Variants in CCDC18 observed in about 807,000 individuals in gnomAD.
CCDC18 encodes coiled-coil domain containing 18.
In CCDC18, 157 loss-of-function variants were observed where a neutral mutation model predicts 196.0. The observed-to-expected ratio is 0.80, with a 90% CI of 0.70 to 0.91. The LOEUF is 0.91. CCDC18 is among the 40% of genes least tolerant of loss of function. The pLI, the probability that CCDC18 is intolerant of heterozygous loss-of-function variation, is 0.00. For missense variants in CCDC18, 1,465 were observed against 1,611.6 expected (o/e 0.91, Z 1.56); for synonymous variants, 482 against 529.2 (o/e 0.91, Z 1.22).
chr1:93,212,371 A>G (rs1373879904), intron 11 of CCDC18, 110 bp downstream of exon 11: 1 of 614,898 alleles, frequency 1.6e-6, no homozygotes, highest in Non-Finnish European at 2.6e-6. Context: ...TCAGGGATAC[A>G]TGTGCAGATT....
intron 27 of CCDC18, among the ~76,000 whole-genome samples, chr1:93,267,748 C>T (rs1372873758): frequency 6.6e-6 from 1 of 151,886 alleles, no homozygotes; most frequent in Non-Finnish European, 1.5e-5. Context: ...GAAGGATCTC[C>T]AAGGAGAACT....
chr1:93,246,696 A>G (rs565565786), intron 22 of CCDC18, 142 bp from the exon 23 acceptor site: 2 of 498,624 alleles, frequency 4.0e-6, no homozygotes, highest in East Asian at 7.0e-5. Flanking sequence ...AGTTTATACT[A>G]AAGCAAAGAG....
chr1:93,237,000 C>A (rs1391763062), intron 19 of CCDC18, among the ~76,000 whole-genome samples: 1 of 152,190 alleles, frequency 6.6e-6, no homozygotes, highest in Non-Finnish European at 1.5e-5. Flanking sequence ...CTTCAGATCT[C>A]TTCTACTTTG....
In CCDC18 at chr1:93,183,346, A is replaced by ATT; in HGVS notation, c.-2-5_-2-4dup. Reference sequence around the variant, plus strand: ...CTTTCAGACAAGGTACAAGAAATTCATTTTTTTTTTAAGAAATGGAATCTA... The same window carrying ATT: ...CTTTCAGACAAGGTACAAGAAATTCATTTTTTTTTTTTAAGAAATGGAATCTA... On this transcript the variant is annotated splice_polypyrimidine_tract_variant and intron_variant, in intron 1 of 28. Coordinates refer to ENST00000690025, the MANE Select transcript of CCDC18 (RefSeq NM_001378204.1). 1.1e-5 allele frequency: 16 copies of ATT among 1,395,266 alleles called. No individual in the cohort carries two copies. The highest frequency in any genetic ancestry group is 1.9e-4 in the Middle Eastern group (1 of 5,382). 86.4% of individuals were successfully genotyped at this position (1,395,266 alleles called of 1,614,324 possible). A position where few individuals can be genotyped will look rare whatever the true frequency, so the allele number is the denominator to read the frequency against.
intron 16 of CCDC18, among the ~76,000 whole-genome samples, chr1:93,223,174 C>A (rs866411671): frequency 6.6e-6 from 1 of 152,116 alleles, no homozygotes; most frequent in African/African-American, 2.4e-5. Context: ...ATTAAACTAC[C>A]TAACGTAACT....
At chr1:93,224,267 C>T (rs1178043025) in intron 16 of CCDC18, among the ~76,000 whole-genome samples, 2 of 152,016 alleles carry the variant, frequency 1.3e-5, no homozygotes, top group East Asian at 1.9e-4. Flanking sequence ...TTTGCCAAAC[C>T]GCCTGAGAGA....
At chr1:93,246,795 AT>A in intron 22 of CCDC18, 42 bp from the exon 23 acceptor site, 1 of 887,744 alleles carries the variant, frequency 1.1e-6, no homozygotes, top group Non-Finnish European at 1.9e-6. Context: ...ACAAGTTTTT[AT>A]ATCAGAATAA....
chr1:93,274,676 T>G (rs927679339), intron 28 of CCDC18, among the ~76,000 whole-genome samples: 19 of 151,382 alleles, frequency 1.3e-4, no homozygotes, highest in Admixed American at 1.3e-3. Flanking sequence ...AGACCCGATC[T>G]CTACAGAAAA....
chr1:93,183,193 A>C (rs1650024906), intron 1 of CCDC18, among the ~76,000 whole-genome samples, 167 bp from the exon 2 acceptor site: 1 of 152,150 alleles, frequency 6.6e-6, no homozygotes, highest in Non-Finnish European at 1.5e-5. Context: ...TTTACACTAC[A>C]GATAAATTCA....
intron 9 of CCDC18, among the ~76,000 whole-genome samples, chr1:93,207,901 G>C (rs1314320749): frequency 6.6e-6 from 1 of 152,074 alleles, no homozygotes; most frequent in Non-Finnish European, 1.5e-5. Flanking sequence ...GTGCTCTTTT[G>C]CACCTGGTCT....
intron 6 of CCDC18, among the ~76,000 whole-genome samples, chr1:93,200,936 G>A (rs1653722878): frequency 6.6e-6 from 1 of 152,164 alleles, no homozygotes; most frequent in Non-Finnish European, 1.5e-5. Flanking sequence ...CAGTACCTGT[G>A]CACACTCAGG....
chr1:93,253,637 G>A (rs1244626489), intron 23 of CCDC18, among the ~76,000 whole-genome samples: 1 of 152,216 alleles, frequency 6.6e-6, no homozygotes, highest in Admixed American at 6.5e-5. Flanking sequence ...AGAGTCACCA[G>A]GCAATTTTCC....
intron 28 of CCDC18, among the ~76,000 whole-genome samples, chr1:93,276,249 C>T (rs960225924): frequency 1.1e-4 from 17 of 152,184 alleles, no homozygotes; most frequent in African/African-American, 3.4e-4. Flanking sequence ...TGGTTAAGTA[C>T]GTTGGCACTT....
At chr1:93,238,815 G>A (rs1199286368) in intron 19 of CCDC18, among the ~76,000 whole-genome samples, 1 of 152,122 alleles carries the variant, frequency 6.6e-6, no homozygotes, top group Non-Finnish European at 1.5e-5. Flanking sequence ...TTCCTCCTCT[G>A]TAAAGCAGGG....
intron 1 of CCDC18, among the ~76,000 whole-genome samples, chr1:93,181,788 T>C (rs772783450): frequency 3.3e-5 from 5 of 152,178 alleles, no homozygotes; most frequent in Non-Finnish European, 1.5e-5. Context: ...CTAATTTTTT[T>C]GTATTTTTAG....
intron 24 of CCDC18, 30 bp downstream of exon 24, chr1:93,254,644 A>C (rs1180479368): frequency 1.9e-6 from 3 of 1,586,412 alleles, no homozygotes; most frequent in Non-Finnish European, 2.6e-6. Context: ...CTAAGGAACA[A>C]GTGGTAGTCT....
chr1:93,216,806 A>G (rs1259278186), intron 13 of CCDC18, 60 bp downstream of exon 13: 2 of 791,102 alleles, frequency 2.5e-6, no homozygotes, highest in Non-Finnish European at 4.2e-6. Flanking sequence ...AATTTGTGAC[A>G]GCACATTTGT....
At chr1:93,180,591 G>T (rs775355741), upstream of CCDC18, 1 of 1,383,532 alleles carries the variant, frequency 7.2e-7, no homozygotes, top group Non-Finnish European at 9.6e-7. Flanking sequence ...TCCCGGGCGG[G>T]CTCCGCTAGT....
chr1:93,216,684 G>A lies in CCDC18; in HGVS notation c.1768G>A (p.Glu590Lys). 6.3e-7 allele frequency: 1 copy of A among 1,587,802 alleles called. No homozygotes were observed. The highest frequency in any genetic ancestry group is 8.6e-7 in the Non-Finnish European group (1 of 1,169,532). ...QLLTLEKQLE[E>K]KIVAYSSIAA... The stretch of plus-strand genomic sequence containing the variant: ...TTTAACTCTTGAGAAACAGCTGGAA[G>A]AAAAGATAGTTGCTTATTCCTCTAT... The change falls in exon 13 of 29, where the codon GAA becomes AAA. Residue 590 changes from glutamate to lysine, a missense_variant. By Grantham distance (56) the Glu-to-Lys change is moderately conservative. Coordinates refer to ENST00000690025, the MANE Select transcript of CCDC18 (RefSeq NM_001378204.1).
Sources: gnomAD v4.1 joint callset for allele counts (sites outside exome capture counted in the v4.1 genomes callset) on GRCh38, gnomAD v4.1.1 for gene constraint, MANE v1.5 for transcripts, NCBI Gene and HGNC (gene_info 2026-07-23, HGNC 2026-07-21) for gene names.